Variants in PASD1 observed in about 807,000 individuals in gnomAD.
PASD1 encodes PAS domain containing repressor 1, also known as circadian clock protein PASD1.
A neutral mutation model predicts 58.8 loss-of-function variants in PASD1; 13 were observed. The ratio of observed to expected loss-of-function variants is 0.22; its 90% CI spans 0.14 to 0.35. The LOEUF (loss-of-function observed/expected upper bound fraction) is 0.35, where lower values mean the gene tolerates loss of function less well. PASD1 is among the 10% of genes least tolerant of loss of function. PASD1 has a pLI of 1.00. For missense variants in PASD1, 734 were observed against 568.3 expected, an observed-to-expected ratio of 1.29 and a Z score of -2.96; for synonymous variants, 236 against 216.7, an observed-to-expected ratio of 1.09 and a Z score of -0.78.
chrX:151,667,625 T>C (rs2014401332), intron 11 of PASD1, among the ~76,000 whole-genome samples: 1 of 112,269 alleles, frequency 8.9e-6, no homozygotes, highest in Non-Finnish European at 1.9e-5. Flanking sequence ...CAGCACCATT[T>C]GTTAAATAGG....
At chrX:151,599,262 T>A (rs1401627957) in intron 1 of PASD1, among the ~76,000 whole-genome samples, 2 of 112,625 alleles carry the variant, frequency 1.8e-5, no homozygotes, top group Non-Finnish European at 3.8e-5. Context: ...CTCTTTCTTT[T>A]CCCCACATTT....
chrX:151,633,741 T>A lies in PASD1; in HGVS notation c.629+8211T>A, dbSNP rs748825243. Among the ~76,000 whole-genome samples, 3 of 112,085 alleles carry A rather than the reference T, an allele frequency of 2.7e-5. No homozygotes were observed. In the South Asian group the frequency reaches 1.1e-3, roughly 42 times the overall value. On this transcript the variant is annotated intron_variant, in intron 8 of 15. Transcript: ENST00000370357. The stretch of plus-strand genomic sequence containing the variant: ...TTTTTGAAAAGCTCTGTGTAAGGGT[T>A]TGTACTAAAGACTTATTGAAGCAGC...
intron 11 of PASD1, among the ~76,000 whole-genome samples, chrX:151,665,449 A>T (rs1326840855): frequency 8.9e-6 from 1 of 112,177 alleles, no homozygotes; most frequent in East Asian, 2.8e-4. Context: ...CTAGTGTATT[A>T]GGCTTATTCC....
At chrX:151,674,364 C>G (rs2014517928) in intron 15 of PASD1, among the ~76,000 whole-genome samples, 178 bp downstream of exon 15, 1 of 112,471 alleles carries the variant, frequency 8.9e-6, no homozygotes, top group Non-Finnish European at 1.9e-5. Context: ...TAAAAATATT[C>G]TCTACAGGGT....
rs767377533 is a variant in PASD1 at position 151,672,600 on chromosome X, C to A, written c.1855C>A (p.Gln619Lys). 1.6e-6 allele frequency: 2 copies of A among 1,212,185 alleles called. No homozygotes were observed. The highest frequency in any genetic ancestry group is 2.2e-6 in the Non-Finnish European group (2 of 895,650). The change falls in exon 14 of 16, where the codon CAA (glutamine) becomes AAA (lysine). Residue 619 changes from glutamine to lysine, a missense_variant. Gln to Lys is a moderately conservative substitution (Grantham distance 53). Coordinates refer to ENST00000370357, the MANE Select transcript of PASD1 (RefSeq NM_173493.3). ...TGTTCCTGTCCAGAGAGCAGCTGAA[C>A]AACAGCCCTCTGGCTTCTATCAAGA... Reference protein sequence around the residue: ...PIVPVQRAAEQQPSGFYQDEN... With the variant: ...PIVPVQRAAEKQPSGFYQDEN...
chrX:151,637,109 A>G lies in PASD1; in HGVS notation c.630-11506A>G, dbSNP rs1023793881. Among the ~76,000 whole-genome samples the G allele has an allele frequency of 1.2e-4, 13 of 112,505 alleles. 1 individual carries two copies. Among genetic ancestry groups the G allele is most frequent in the Admixed American group, 9.4e-4 (10 of 10,612 alleles). ...TTACTGATGAGTTGCATTTCATTGT[A>G]GGTATGTACCACAGTTTATTATTTC... is the stretch of plus-strand genomic sequence containing the variant. On this transcript the variant is annotated intron_variant, in intron 8 of 15. Transcript: ENST00000370357.
intron 8 of PASD1, among the ~76,000 whole-genome samples, chrX:151,628,491 G>A (rs2013823274): frequency 8.9e-6 from 1 of 111,789 alleles, no homozygotes; most frequent in Non-Finnish European, 1.9e-5. Flanking sequence ...GTTTTTGTCA[G>A]GTTTGTCAAA....
intron 8 of PASD1, 105 bp from the exon 9 acceptor site, chrX:151,648,506 AAAAT>A: frequency 1.3e-6 from 1 of 751,820 alleles, no homozygotes; most frequent in Non-Finnish European, 2.0e-6. Context: ...TGTAGTAGGG[AAAAT>A]AAAACAAATA....
chrX:151,629,339 C>T (rs1008829872), intron 8 of PASD1, among the ~76,000 whole-genome samples: 14 of 110,824 alleles, frequency 1.3e-4, no homozygotes, highest in Non-Finnish European at 2.5e-4. Flanking sequence ...AGGCTGGTCT[C>T]GAACTCCTGA....
intron 11 of PASD1, among the ~76,000 whole-genome samples, chrX:151,666,466 G>T: frequency 9.3e-6 from 1 of 107,907 alleles, no homozygotes; most frequent in Middle Eastern, 4.7e-3. Flanking sequence ...CATGTACCAT[G>T]TTGGTGTGCT....
chrX:151,577,405 T>C (rs149489825), intron 1 of PASD1, among the ~76,000 whole-genome samples: 1,239 of 112,457 alleles, frequency 0.011, 15 homozygotes, highest in African/African-American at 0.038. Context: ...AGCATATTAA[T>C]TTATGGCTCA....
chrX:151,588,235 A>G, intron 1 of PASD1, among the ~76,000 whole-genome samples: 1 of 112,262 alleles, frequency 8.9e-6, no homozygotes, highest in Non-Finnish European at 1.9e-5. Flanking sequence ...CTATAGAAAG[A>G]CAGAGTTGAT....
chrX:151,651,265 A>ATGAG (rs770210118), intron 9 of PASD1, among the ~76,000 whole-genome samples: 1 of 112,160 alleles, frequency 8.9e-6, no homozygotes, highest in South Asian at 3.8e-4. Context: ...TCTCTTAATG[A>ATGAG]TGAGTGTAGG....
chrX:151,652,160 A>C (rs768756841), intron 9 of PASD1, among the ~76,000 whole-genome samples: 1 of 111,951 alleles, frequency 8.9e-6, no homozygotes, highest in Non-Finnish European at 1.9e-5. Flanking sequence ...TTGTTGCTCT[A>C]GAGGAACTTA....
chrX:151,605,446 A>G (rs60103725), intron 3 of PASD1, among the ~76,000 whole-genome samples: 7,754 of 111,492 alleles, frequency 0.07, 254 homozygotes, highest in African/African-American at 0.12. Context: ...ACCCAGCACT[A>G]TGACCATTAG....
At chrX:151,653,863 CCTCCCTCTTTCTTTCTTTCTTTCTTTCT>C (rs2014190701) in intron 9 of PASD1, among the ~76,000 whole-genome samples, 1 of 26,552 alleles carries the variant, frequency 3.8e-5, no homozygotes, top group African/African-American at 1.1e-4. Flanking sequence ...TCCCTCCCTC[CCTCCCTCTTTCTTTCTTTCTTTCTTTCT>C]TTCTTTCTTT....
At chrX:151,628,295 A>G (rs2013819459) in intron 8 of PASD1, among the ~76,000 whole-genome samples, 2 of 111,593 alleles carry the variant, frequency 1.8e-5, no homozygotes, top group Non-Finnish European at 3.8e-5. Context: ...CTATGTCCTG[A>G]ATGGTATTGT....
At chrX:151,672,862 C>T (rs1462471177) in intron 14 of PASD1, 14 of 601,489 alleles carry the variant, frequency 2.3e-5, no homozygotes, top group Admixed American at 4.1e-5. Flanking sequence ...GATGAGCATC[C>T]ATTGATGGAA....
At chrX:151,640,451 T>G (rs2124289200) in intron 8 of PASD1, among the ~76,000 whole-genome samples, 1 of 112,348 alleles carries the variant, frequency 8.9e-6, no homozygotes, top group Admixed American at 9.5e-5. Flanking sequence ...AAATTATATC[T>G]GAGCTGTCAG....
Sources: allele counts gnomAD v4.1 joint callset (sites outside exome capture counted in the v4.1 genomes callset), GRCh38; gene constraint gnomAD v4.1.1; transcripts MANE v1.5; gene names NCBI Gene and HGNC (gene_info 2026-07-23, HGNC 2026-07-21).